Variants in NRXN1 observed in about 807,000 individuals in gnomAD.
NRXN1 encodes neurexin-1.
Under a neutral mutation model 150.9 loss-of-function variants are expected in NRXN1, and 39 were observed. That is an observed-to-expected ratio of 0.26 (90% CI 0.20 to 0.34). The LOEUF is 0.34. Ranked by LOEUF, NRXN1 falls within the 10% of genes least tolerant of loss-of-function variation. The probability of loss-of-function intolerance (pLI) is 1.00; values close to 1 mark genes in which losing one functional copy is unlikely to be tolerated. For missense variants in NRXN1, 1,815 were observed against 1,949.9 expected (o/e 0.93, Z 1.30); for synonymous variants, 924 against 757.0 (o/e 1.22, Z -3.62).
At chr2:50,656,673 C>T (rs1326656474) in intron 5 of NRXN1, among the ~76,000 whole-genome samples, 1 of 151,792 alleles carries the variant, frequency 6.6e-6, no homozygotes, top group East Asian at 2.0e-4. Flanking sequence ...GATGGACTAG[C>T]TACTTCACAG....
At chr2:50,978,787 G>A (rs960550855) in intron 2 of NRXN1, among the ~76,000 whole-genome samples, 3 of 151,968 alleles carry the variant, frequency 2.0e-5, no homozygotes, top group Non-Finnish European at 4.4e-5. Flanking sequence ...TTATGATAAC[G>A]AGAAAACATG....
At chr2:50,603,639 G>C (rs1020465139) in intron 8 of NRXN1, among the ~76,000 whole-genome samples, 1 of 152,008 alleles carries the variant, frequency 6.6e-6, no homozygotes, top group Non-Finnish European at 1.5e-5. Context: ...GGACCCCTTT[G>C]GCTAGATGAC....
chr2:50,623,485 C>T lies in NRXN1; in HGVS notation c.963G>A (p.Met321Ile). ...SFKTLQRNGLMLHTGKSADYV... is the reference protein window; with the variant it reads ...SFKTLQRNGLILHTGKSADYV... ...AATCAGCCGATTTCCCAGTGTGAAG[C>T]ATCAGTCCATTCCTCTGAAGGGTTT... is the stretch of plus-strand genomic sequence containing the variant. The change falls in exon 6 of 23, where the codon ATG (methionine) becomes ATA (isoleucine). Residue 321 changes from methionine to isoleucine, a missense_variant. Transcript: ENST00000401669. 6.2e-7 allele frequency: 1 copy of T among 1,613,456 alleles called. No homozygotes were observed. The highest frequency in any genetic ancestry group is 1.1e-5 in the South Asian group (1 of 91,070).
intron 17 of NRXN1, among the ~76,000 whole-genome samples, chr2:50,396,478 A>C (rs1303118755): frequency 1.3e-5 from 2 of 152,154 alleles, no homozygotes; most frequent in African/African-American, 2.4e-5. Flanking sequence ...CATATATCAC[A>C]CCCTGCTTGA....
At chr2:50,631,568 T>C (rs940318357) in intron 5 of NRXN1, among the ~76,000 whole-genome samples, 2 of 151,944 alleles carry the variant, frequency 1.3e-5, no homozygotes, top group Non-Finnish European at 2.9e-5. Context: ...AATGAGCTTC[T>C]AATTCATTAC....
intron 21 of NRXN1, among the ~76,000 whole-genome samples, chr2:50,024,653 T>G (rs1031187024): frequency 4.6e-5 from 7 of 152,042 alleles, no homozygotes; most frequent in African/African-American, 1.4e-4. Flanking sequence ...CTGGCTCTTT[T>G]GCCCAGGCTG....
At chr2:50,797,628 A>G (rs1183936973) in intron 5 of NRXN1, among the ~76,000 whole-genome samples, 2 of 152,156 alleles carry the variant, frequency 1.3e-5, no homozygotes, top group Non-Finnish European at 2.9e-5. Context: ...AATTAACCCT[A>G]ACACCTCAAT....
intron 17 of NRXN1, among the ~76,000 whole-genome samples, chr2:50,359,958 T>C (rs553844189): frequency 1.3e-5 from 2 of 152,288 alleles, no homozygotes; most frequent in South Asian, 4.1e-4. Flanking sequence ...ATATTCAACA[T>C]TCTTAAAGAA....
chr2:50,094,543 T>C lies in NRXN1; in HGVS notation c.3547-3049A>G, dbSNP rs567839731. 1.1e-4 allele frequency among the ~76,000 whole-genome samples: 16 copies of C among 152,234 alleles called. 1 individual carries two copies. In the East Asian group the frequency reaches 1.7e-3, roughly 17 times the overall value. ...GGTAGTGAGCAAACTAGTATTTGAC[T>C]ATAACTGAGAAATCTTCAAGGGAAG... is the stretch of plus-strand genomic sequence containing the variant. On this transcript the variant is annotated intron_variant, in intron 18 of 22. Transcript: ENST00000401669.
intron 5 of NRXN1, among the ~76,000 whole-genome samples, chr2:50,708,276 A>T (rs1184963252): frequency 6.6e-6 from 1 of 152,188 alleles, no homozygotes; most frequent in Non-Finnish European, 1.5e-5. Context: ...GTGGTTCATG[A>T]ACTATTTTCA....
chr2:50,540,860 C>T (rs2093373065), intron 9 of NRXN1, among the ~76,000 whole-genome samples: 1 of 152,060 alleles, frequency 6.6e-6, no homozygotes, highest in Non-Finnish European at 1.5e-5. Context: ...TGGAGTTTTG[C>T]AATGTTGGCC....
At chr2:50,755,690 T>C (rs922821761) in intron 5 of NRXN1, among the ~76,000 whole-genome samples, 1 of 151,778 alleles carries the variant, frequency 6.6e-6, no homozygotes, top group African/African-American at 2.4e-5. Context: ...CATGAGGAAA[T>C]CCCAATCAGA....
At chr2:50,687,685 A>G (rs1282996951) in intron 5 of NRXN1, among the ~76,000 whole-genome samples, 1 of 152,248 alleles carries the variant, frequency 6.6e-6, no homozygotes, top group African/African-American at 2.4e-5. Context: ...TATTTTGAAT[A>G]TGCAGAGGCT....
In NRXN1 at chr2:50,918,497, CCAAT is replaced by C. The variant is rs560409612; in HGVS notation, c.832+3368_832+3371del. The C allele has an allele frequency of 2.3e-3, 817 of 355,284 alleles. 4 individuals are homozygous for C. The highest frequency in any genetic ancestry group is 0.016 in the African/African-American group (753 of 47,836). The allele number at this position is 355,284 out of a possible 1,614,324, so 22.0% of individuals were successfully genotyped here. On this transcript the variant is annotated intron_variant, in intron 5 of 22. Coordinates refer to ENST00000401669, the MANE Select transcript of NRXN1 (RefSeq NM_001330078.2). ...ACTTATGAAGGAAAAGTACAAGCCT[CCAAT>C]CAAAGTGCCAACATTCGCTGATAAT...
chr2:50,227,417 G>C (rs912858132), intron 18 of NRXN1, among the ~76,000 whole-genome samples: 1 of 152,034 alleles, frequency 6.6e-6, no homozygotes, highest in African/African-American at 2.4e-5. Context: ...CCAGGTGAGA[G>C]GTGGAAACAC....
chr2:50,307,433 T>C (rs547010403), intron 17 of NRXN1, among the ~76,000 whole-genome samples: 3 of 152,182 alleles, frequency 2.0e-5, no homozygotes, highest in African/African-American at 7.2e-5. Flanking sequence ...GCAATTTAAT[T>C]AGTCACTAAG....
At chr2:50,363,776 A>G (rs1035596411) in intron 17 of NRXN1, among the ~76,000 whole-genome samples, 2 of 152,224 alleles carry the variant, frequency 1.3e-5, no homozygotes, top group Non-Finnish European at 2.9e-5. Context: ...ATTCTACTAT[A>G]AAGACATATG....
intron 5 of NRXN1, among the ~76,000 whole-genome samples, chr2:50,787,062 T>C (rs1705230598): frequency 2.0e-5 from 3 of 152,048 alleles, no homozygotes; most frequent in Admixed American, 2.0e-4. Flanking sequence ...AAAACATCTG[T>C]GAAAAATAAG....
intron 17 of NRXN1, among the ~76,000 whole-genome samples, chr2:50,359,364 A>T (rs2079032083): frequency 6.6e-6 from 1 of 152,022 alleles, no homozygotes; most frequent in African/African-American, 2.4e-5. Flanking sequence ...ACCTTGAAAA[A>T]AAGGTAGACA....
Sources: gnomAD v4.1 joint callset for allele counts (sites outside exome capture counted in the v4.1 genomes callset) on GRCh38, gnomAD v4.1.1 for gene constraint, MANE v1.5 for transcripts, NCBI Gene and HGNC (gene_info 2026-07-23, HGNC 2026-07-21) for gene names.